SORBS2: variants seen among roughly 807,000 people sequenced by gnomAD.
The protein encoded by SORBS2 is sorbin and SH3 domain containing 2, also known as sorbin and SH3 domain-containing protein 2.
SORBS2 carries 46 observed loss-of-function variants against 97.7 expected under a neutral mutation model. That is an observed-to-expected ratio of 0.47 (90% CI 0.37 to 0.60). The LOEUF (loss-of-function observed/expected upper bound fraction) is 0.60. Among genes scored for constraint, SORBS2 ranks in the 20% least tolerant of loss-of-function variants. SORBS2 has a pLI of 0.00. For synonymous variants in SORBS2, 476 were observed against 473.4 expected (o/e 1.01, Z -0.07); for missense variants, 1,316 against 1,282.3 (o/e 1.03, Z -0.40).
chr4:185,690,545 A>T lies in SORBS2; in HGVS notation c.-197-11723T>A. The T allele has an allele frequency of 6.6e-7, 1 of 1,506,840 alleles. No individual in the cohort carries two copies. Among genetic ancestry groups the T allele is most frequent in the Non-Finnish European group, 9.0e-7 (1 of 1,114,780 alleles). 93.3% of individuals were successfully genotyped at this position (1,506,840 alleles called of 1,614,324 possible). ...GAGAGCAAGGCTAAAAGAGTTTAAAACTAACAGACAGCATACCTGTGTTCA... is the reference window on the plus strand; with the variant it reads ...GAGAGCAAGGCTAAAAGAGTTTAAATCTAACAGACAGCATACCTGTGTTCA... On this transcript the variant is annotated intron_variant, in intron 2 of 20. Transcript: ENST00000284776.
intron 4 of SORBS2, among the ~76,000 whole-genome samples, chr4:185,674,786 C>T (rs2097769105): frequency 6.6e-6 from 1 of 152,140 alleles, no homozygotes; most frequent in Admixed American, 6.5e-5. Flanking sequence ...TTCCCTCTGC[C>T]TAGAATATTC....
At chr4:185,803,855 G>T (rs899460472) in intron 1 of SORBS2, among the ~76,000 whole-genome samples, 8 of 152,190 alleles carry the variant, frequency 5.3e-5, no homozygotes, top group Non-Finnish European at 1.0e-4. Context: ...CTGAGTTACT[G>T]CCCTAAGACA....
chr4:185,709,213 T>C (rs2098390611), intron 2 of SORBS2, among the ~76,000 whole-genome samples: 2 of 151,798 alleles, frequency 1.3e-5, no homozygotes, highest in African/African-American at 4.8e-5. Context: ...AGAGATGGGG[T>C]TTTGCCATAT....
chr4:185,855,322 T>C (rs1276797529), intron 1 of SORBS2, among the ~76,000 whole-genome samples: 1 of 152,188 alleles, frequency 6.6e-6, no homozygotes, highest in Non-Finnish European at 1.5e-5. Flanking sequence ...AGATAAAGCT[T>C]CTGCTCCAGT....
chr4:185,880,369 G>GA (rs1343820856), intron 1 of SORBS2, among the ~76,000 whole-genome samples: 1 of 152,144 alleles, frequency 6.6e-6, no homozygotes, highest in African/African-American at 2.4e-5. Context: ...CCTTTGAATT[G>GA]TTACATAACT....
chr4:185,773,692 T>C (rs1174764344), intron 2 of SORBS2: 1 of 152,236 alleles, frequency 6.6e-6, no homozygotes, highest in Non-Finnish European at 1.5e-5. Flanking sequence ...GCAGGGACCG[T>C]TTGCCAGGGA....
chr4:185,687,080 T>C (rs535783548), intron 2 of SORBS2, among the ~76,000 whole-genome samples: 2 of 152,328 alleles, frequency 1.3e-5, no homozygotes, highest in South Asian at 4.2e-4. Context: ...TCTTGCTCTG[T>C]TGCCCAGGCT....
intron 1 of SORBS2, among the ~76,000 whole-genome samples, chr4:185,867,303 C>T (rs973793277): frequency 2.0e-5 from 3 of 152,170 alleles, no homozygotes; most frequent in Admixed American, 6.5e-5. Context: ...AGCCACCGCG[C>T]CTGGCCAGAA....
At chr4:185,779,965 G>C (rs566436556) in intron 1 of SORBS2, among the ~76,000 whole-genome samples, 1 of 150,706 alleles carries the variant, frequency 6.6e-6, no homozygotes, top group African/African-American at 2.4e-5. Context: ...CTGAAGTCAC[G>C]CACATTGTAA....
intron 1 of SORBS2, among the ~76,000 whole-genome samples, chr4:185,827,783 T>TCACCATCATCATCACCATCATCAC (rs2099202363): frequency 9.4e-6 from 1 of 106,320 alleles, no homozygotes; most frequent in Non-Finnish European, 2.1e-5. Flanking sequence ...ATCACCATCA[T>TCACCATCATCATCACCATCATCAC]CATCGTCACC....
intron 1 of SORBS2, among the ~76,000 whole-genome samples, chr4:185,925,914 G>C (rs1455749841): frequency 6.6e-6 from 1 of 152,224 alleles, no homozygotes. Flanking sequence ...CCTCTGGCAA[G>C]ACAGGACTTA....
At chr4:185,645,604 A>C (rs939621518) in intron 4 of SORBS2, 1 of 152,246 alleles carries the variant, frequency 6.6e-6, no homozygotes, top group African/African-American at 2.4e-5. Context: ...GCAAGGCTAG[A>C]GTTTCCAATT....
intron 1 of SORBS2, among the ~76,000 whole-genome samples, chr4:185,900,924 C>G (rs1455494039): frequency 6.6e-6 from 1 of 152,206 alleles, no homozygotes; most frequent in East Asian, 1.9e-4. Context: ...TTGTCTAAAA[C>G]ATTGTTTATG....
At chr4:185,599,944 C>T (rs1032715905) in intron 12 of SORBS2, among the ~76,000 whole-genome samples, 1 of 152,188 alleles carries the variant, frequency 6.6e-6, no homozygotes, top group Admixed American at 6.5e-5. Flanking sequence ...CATGCTGACC[C>T]TACCCTGTGG....
At chr4:185,754,063 G>T (rs1233961769) in intron 2 of SORBS2, among the ~76,000 whole-genome samples, 1 of 152,090 alleles carries the variant, frequency 6.6e-6, no homozygotes, top group Non-Finnish European at 1.5e-5. Context: ...GCTCATCAAT[G>T]GTAGACTTGA....
intron 2 of SORBS2, among the ~76,000 whole-genome samples, chr4:185,767,392 C>T (rs1391510838): frequency 1.5e-5 from 2 of 136,828 alleles, no homozygotes; most frequent in Non-Finnish European, 1.6e-5. Context: ...TCCAGTTACT[C>T]GGGAGGCTGA....
intron 1 of SORBS2, among the ~76,000 whole-genome samples, chr4:185,799,784 TG>T (rs1321590157): frequency 6.6e-6 from 1 of 152,194 alleles, no homozygotes; most frequent in Non-Finnish European, 1.5e-5. Context: ...CTTTAATGCC[TG>T]GGACTATGGC....
intron 1 of SORBS2, among the ~76,000 whole-genome samples, chr4:185,656,454 T>TG (rs1443479383): frequency 6.6e-6 from 1 of 151,992 alleles, no homozygotes; most frequent in Non-Finnish European, 1.5e-5. Context: ...TTTTTTTTTT[T>TG]TCCTGCTCTC....
At chr4:185,949,525 A>G (rs187298468) in intron 1 of SORBS2, among the ~76,000 whole-genome samples, 40 of 152,266 alleles carry the variant, frequency 2.6e-4, no homozygotes, top group Admixed American at 2.4e-3. Flanking sequence ...ACGTGATTGC[A>G]ACCACACTTT....
Sources: gnomAD v4.1 joint callset for allele counts (sites outside exome capture counted in the v4.1 genomes callset) on GRCh38, gnomAD v4.1.1 for gene constraint, MANE v1.5 for transcripts, NCBI Gene and HGNC (gene_info 2026-07-23, HGNC 2026-07-21) for gene names.